The following CELSR1 variants were observed in gnomAD, a reference collection of about 807,000 sequenced individuals.
CELSR1 encodes adhesion G protein-coupled receptor C1.
In CELSR1, 110 loss-of-function variants were observed where a neutral mutation model predicts 249.1. The ratio of observed to expected loss-of-function variants is 0.44; its 90% CI spans 0.38 to 0.52. CELSR1 has a LOEUF of 0.52. CELSR1 is among the 20% of genes least tolerant of loss of function. The pLI is 0.00. For missense variants in CELSR1, 4,109 were observed against 4,296.4 expected (o/e 0.96, Z 1.22); for synonymous variants, 2,113 against 1,900.0 (o/e 1.11, Z -2.92).
At chr22:46,416,332 C>T (rs2079401178) in intron 5 of CELSR1, among the ~76,000 whole-genome samples, 1 of 152,222 alleles carries the variant, frequency 6.6e-6, no homozygotes, top group Non-Finnish European at 1.5e-5. Flanking sequence ...CCTGCCCTTC[C>T]AGGGCTCAGC....
chr22:46,515,887 C>A (rs181072104), intron 1 of CELSR1, among the ~76,000 whole-genome samples: 1 of 152,292 alleles, frequency 6.6e-6, no homozygotes, highest in East Asian at 1.9e-4. Context: ...CAGAGAAATG[C>A]AAATCAAAAC....
chr22:46,521,377 C>T (rs996587547), intron 1 of CELSR1, among the ~76,000 whole-genome samples: 5 of 151,996 alleles, frequency 3.3e-5, no homozygotes, highest in Non-Finnish European at 7.4e-5. Flanking sequence ...TGGTGGCGGG[C>T]ACCTGTAGTC....
Position 46,391,106 on chromosome 22 carries a change from C to T in CELSR1, c.6250+80G>A. 1 of 1,152,428 alleles carries T rather than the reference C, an allele frequency of 8.7e-7. No homozygotes were observed. Among genetic ancestry groups the T allele is most frequent in the Non-Finnish European group, 1.3e-6 (1 of 791,246 alleles). 71.4% of individuals were successfully genotyped at this position (1,152,428 alleles called of 1,614,324 possible). ...GATATTTTTTCAACACGAAACATTC[C>T]ATGAGTCCCCACATCTCGACTGGCT... On this transcript the variant is annotated intron_variant, in intron 16 of 34. Coordinates refer to ENST00000674500, the MANE Select transcript of CELSR1 (RefSeq NM_001378328.1). The surrounding 1 kb of genome is among the most constrained non-coding windows in gnomAD (Gnocchi z 4.3).
intron 3 of CELSR1, 60 bp downstream of exon 3, chr22:46,439,129 G>T: frequency 6.8e-7 from 1 of 1,477,518 alleles, no homozygotes; most frequent in Non-Finnish European, 9.3e-7. Flanking sequence ...TGGGGTGCAC[G>T]GAGAAGCTCG....
intron 1 of CELSR1, among the ~76,000 whole-genome samples, chr22:46,523,621 A>G (rs1400700327): frequency 6.6e-6 from 1 of 152,080 alleles, no homozygotes; most frequent in Non-Finnish European, 1.5e-5. Context: ...GGAGGGAGGG[A>G]AGAATACAGG....
rs1371263098 is a variant in CELSR1, at chr22:46,434,997, A to T, written c.4522+1177T>A. Among the ~76,000 whole-genome samples, 3 of 152,092 alleles carry T rather than the reference A, an allele frequency of 2.0e-5. No individual in the cohort carries two copies. Among genetic ancestry groups the T allele is most frequent in the Non-Finnish European group, 4.4e-5 (3 of 68,028 alleles). On this transcript the variant is annotated intron_variant, in intron 4 of 34. Transcript: ENST00000674500. This position sits in a 1 kb window ranked among gnomAD's most constrained non-coding sequence, Gnocchi z 4.9. ...GGGTGAAAGAGTAAGACTTTGTCTC[A>T]AAAGAAGAACAAAAACAAAAAAAAA...
intron 28 of CELSR1, 62 bp from the exon 29 acceptor site, chr22:46,367,180 GC>G: frequency 6.4e-7 from 1 of 1,571,116 alleles, no homozygotes. Flanking sequence ...GCCCTTAGGC[GC>G]CCCAGCACAG....
chr22:46,456,751 G>T (rs1006869272), intron 2 of CELSR1, among the ~76,000 whole-genome samples: 1 of 151,840 alleles, frequency 6.6e-6, no homozygotes, highest in African/African-American at 2.4e-5. Context: ...ATCGCAGAAG[G>T]GCTAGAATTT....
At chr22:46,376,273 A>G (rs893141663) in intron 24 of CELSR1, among the ~76,000 whole-genome samples, 6 of 152,246 alleles carry the variant, frequency 3.9e-5, no homozygotes, top group African/African-American at 1.4e-4. Flanking sequence ...AAAATGTTAA[A>G]CCATCCTTGC....
At chr22:46,497,180 A>C (rs2080422073) in intron 1 of CELSR1, among the ~76,000 whole-genome samples, 1 of 152,188 alleles carries the variant, frequency 6.6e-6, no homozygotes, top group Non-Finnish European at 1.5e-5. Context: ...CCTTGACAGA[A>C]ACATCATTAT....
At chr22:46,368,970 T>C (rs1353384909) in intron 27 of CELSR1, among the ~76,000 whole-genome samples, 10 of 148,972 alleles carry the variant, frequency 6.7e-5, no homozygotes, top group Non-Finnish European at 1.0e-4. Flanking sequence ...GCTAACCTCC[T>C]CCAGCCCCCT....
chr22:46,379,780 C>A (rs1039156735), intron 22 of CELSR1, among the ~76,000 whole-genome samples: 4 of 152,292 alleles, frequency 2.6e-5, no homozygotes, highest in African/African-American at 7.2e-5. Context: ...CACAGACGTC[C>A]CCAGATGCAC....
intron 1 of CELSR1, among the ~76,000 whole-genome samples, chr22:46,487,527 C>T (rs947784588): frequency 2.1e-5 from 2 of 95,660 alleles, no homozygotes; most frequent in African/African-American, 9.3e-5. Context: ...CATGGTGAGC[C>T]CCACGGGGGA....
chr22:46,515,307 C>G (rs867630172), intron 1 of CELSR1, among the ~76,000 whole-genome samples: 14 of 152,256 alleles, frequency 9.2e-5, no homozygotes, highest in South Asian at 2.1e-4. Flanking sequence ...GGCAGCACAG[C>G]TGGAACCACA....
intron 1 of CELSR1, among the ~76,000 whole-genome samples, chr22:46,528,422 G>A (rs145600590): frequency 2.6e-5 from 4 of 152,004 alleles, no homozygotes; most frequent in African/African-American, 7.3e-5. Flanking sequence ...ACCCACAAAC[G>A]CCACTTTCCT....
In CELSR1 at chr22:46,486,391, T is replaced by C. The variant is rs562421955; in HGVS notation, c.3545-22046A>G. Among the ~76,000 whole-genome samples, 526 of 151,144 alleles carry C rather than the reference T, an allele frequency of 3.5e-3. 3 individuals carry two copies. The highest frequency in any genetic ancestry group is 0.012 in the African/African-American group (497 of 41,176). On this transcript the variant is annotated intron_variant, in intron 1 of 34. Coordinates refer to ENST00000674500, the MANE Select transcript of CELSR1 (RefSeq NM_001378328.1). ...GGTGAAACCCCATCTCTACTAAAAA[T>C]ACAAAAATTAGCTGGGCGTGGTGGT...
intron 1 of CELSR1, among the ~76,000 whole-genome samples, chr22:46,499,583 G>C (rs2080446671): frequency 6.6e-6 from 1 of 152,132 alleles, no homozygotes; most frequent in Non-Finnish European, 1.5e-5. Flanking sequence ...AGGAAGCCCT[G>C]GCACAGATAT....
At chr22:46,524,566 GTGTGTCTGTC>G (rs774275518) in intron 1 of CELSR1, among the ~76,000 whole-genome samples, 1,251 of 68,932 alleles carry the variant, frequency 0.018, 13 homozygotes, top group South Asian at 0.087. Flanking sequence ...GTGTGTGTGT[GTGTGTCTGTC>G]TGTCTGTGTG....
In CELSR1 at chr22:46,385,895, T is replaced by G. The variant is rs144586144; in HGVS notation, c.6739+507A>C. On this transcript the variant is annotated intron_variant, in intron 19 of 34. Coordinates refer to ENST00000674500, the MANE Select transcript of CELSR1 (RefSeq NM_001378328.1). Reference sequence around the variant, plus strand: ...GGTTTCACCATGTTAGCCAGGATGGTCTTGATCTCCTGACCCTGTGATCCG... The same window carrying G: ...GGTTTCACCATGTTAGCCAGGATGGGCTTGATCTCCTGACCCTGTGATCCG... Among the ~76,000 whole-genome samples the G allele has an allele frequency of 8.2e-3, 1,241 of 151,622 alleles. 56 individuals are homozygous for G. Among genetic ancestry groups the G allele is most frequent in the East Asian group, 0.028 (144 of 5,154 alleles).
Sources: allele counts gnomAD v4.1 joint callset (sites outside exome capture counted in the v4.1 genomes callset), GRCh38; gene constraint gnomAD v4.1.1; non-coding constraint Gnocchi (gnomAD v3.1); transcripts MANE v1.5; gene names NCBI Gene and HGNC (gene_info 2026-07-23, HGNC 2026-07-21).